The following LAPTM4B variants were observed in gnomAD, a reference collection of about 807,000 sequenced individuals.
LAPTM4B encodes lysosomal protein transmembrane 4 beta, also known as lysosomal-associated transmembrane protein 4B.
LAPTM4B carries 26 observed loss-of-function variants against 28.5 expected under a neutral mutation model. The ratio of observed to expected loss-of-function variants is 0.91; its 90% CI spans 0.67 to 1.27. LAPTM4B has a LOEUF of 1.27. Ranked by LOEUF, LAPTM4B falls within the 50% of genes most tolerant of loss-of-function variation. The probability of loss-of-function intolerance (pLI) is 0.00; values close to 1 mark genes in which losing one functional copy is unlikely to be tolerated. For missense variants in LAPTM4B, 288 were observed against 285.8 expected, an observed-to-expected ratio of 1.01 and a Z score of -0.06; for synonymous variants, 109 against 106.4, an observed-to-expected ratio of 1.02 and a Z score of -0.15.
chr8:97,824,247 C>T (rs547624310), intron 5 of LAPTM4B, among the ~76,000 whole-genome samples: 1 of 152,260 alleles, frequency 6.6e-6, no homozygotes, highest in South Asian at 2.1e-4. Flanking sequence ...CTCTGTTTAA[C>T]CTTTCGAACT....
intron 4 of LAPTM4B, among the ~76,000 whole-genome samples, chr8:97,817,797 C>G (rs574529377): frequency 6.6e-6 from 1 of 151,650 alleles, no homozygotes; most frequent in Non-Finnish European, 1.5e-5. Flanking sequence ...GCCATGTTGA[C>G]CAGGCTGGTC....
chr8:97,809,545 T>C (rs1295252154), intron 2 of LAPTM4B, among the ~76,000 whole-genome samples: 2 of 151,838 alleles, frequency 1.3e-5, no homozygotes, highest in African/African-American at 4.8e-5. Flanking sequence ...ACCAAAAATA[T>C]AAAAATTAGT....
chr8:97,778,042 A>G (rs1257201158), intron 1 of LAPTM4B, among the ~76,000 whole-genome samples: 3 of 152,220 alleles, frequency 2.0e-5, no homozygotes, highest in Admixed American at 2.0e-4. Context: ...ATCCAACCAG[A>G]CAGTGTAGGT....
At chr8:97,823,357 T>G (rs1407725779) in intron 5 of LAPTM4B, among the ~76,000 whole-genome samples, 47 of 24,418 alleles carry the variant, frequency 1.9e-3, no homozygotes, top group African/African-American at 0.013. Context: ...TTTTTTTTTG[T>G]TTTTTTTTTG....
chr8:97,801,135 T>C (rs529703685), intron 1 of LAPTM4B, among the ~76,000 whole-genome samples: 15 of 151,896 alleles, frequency 9.9e-5, no homozygotes, highest in Non-Finnish European at 1.6e-4. Flanking sequence ...TACCCTGTTA[T>C]GATAACAATA....
At chr8:97,811,270 A>G (rs1322070043) in intron 2 of LAPTM4B, among the ~76,000 whole-genome samples, 1 of 152,162 alleles carries the variant, frequency 6.6e-6, no homozygotes, top group East Asian at 1.9e-4. Context: ...TGAAGGCTAC[A>G]CAACTCAGTC....
At chr8:97,784,530 C>T (rs527560871) in intron 1 of LAPTM4B, among the ~76,000 whole-genome samples, 3 of 152,302 alleles carry the variant, frequency 2.0e-5, no homozygotes, top group African/African-American at 7.2e-5. Flanking sequence ...AGCTCTGCCT[C>T]CCGGGTTCAA....
At chr8:97,806,081 G>A (rs1461004110) in intron 2 of LAPTM4B, among the ~76,000 whole-genome samples, 1 of 152,124 alleles carries the variant, frequency 6.6e-6, no homozygotes, top group Non-Finnish European at 1.5e-5. Flanking sequence ...CATTGGCTTC[G>A]GAGAACTTCA....
intron 1 of LAPTM4B, among the ~76,000 whole-genome samples, chr8:97,784,023 G>A (rs769814676): frequency 6.6e-6 from 1 of 152,036 alleles, no homozygotes; most frequent in African/African-American, 2.4e-5. Context: ...GATTTTCTTT[G>A]TATTCTGAGA....
intron 1 of LAPTM4B, among the ~76,000 whole-genome samples, chr8:97,794,206 C>T (rs904006007): frequency 1.3e-5 from 2 of 152,158 alleles, no homozygotes; most frequent in Non-Finnish European, 2.9e-5. Context: ...TCTTGAACTC[C>T]TGAGCTCAGG....
At chr8:97,812,926 A>G (rs62524084) in intron 2 of LAPTM4B, among the ~76,000 whole-genome samples, 68,690 of 152,092 alleles carry the variant, frequency 0.45, 15,988 homozygotes, top group East Asian at 0.57. Flanking sequence ...CCACTCCCCT[A>G]CTTACCTTGA....
At chr8:97,785,410 G>A (rs1267000430) in intron 1 of LAPTM4B, among the ~76,000 whole-genome samples, 1 of 152,058 alleles carries the variant, frequency 6.6e-6, no homozygotes, top group Non-Finnish European at 1.5e-5. Context: ...CAGACAAGGT[G>A]GCCAATAAAT....
At chr8:97,810,777 G>A (rs968707872) in intron 2 of LAPTM4B, among the ~76,000 whole-genome samples, 11 of 152,128 alleles carry the variant, frequency 7.2e-5, no homozygotes, top group African/African-American at 2.7e-4. Context: ...TGGTAGATTT[G>A]TCTTTCTGGT....
At chr8:97,776,207 C>A in intron 1 of LAPTM4B, 99 bp downstream of exon 1, 2 of 1,289,264 alleles carry the variant, frequency 1.6e-6, no homozygotes, top group South Asian at 1.6e-5. Context: ...TGCGCTCATC[C>A]GCCTAAAGTT....
chr8:97,826,695 G>C (rs1817096750), intron 6 of LAPTM4B, among the ~76,000 whole-genome samples: 1 of 152,102 alleles, frequency 6.6e-6, no homozygotes, highest in Non-Finnish European at 1.5e-5. Flanking sequence ...TTTCAGTAGA[G>C]ATAGGGTGTT....
At chr8:97,776,703 G>GTTTTAA (rs1297953527) in intron 1 of LAPTM4B, among the ~76,000 whole-genome samples, 1 of 151,084 alleles carries the variant, frequency 6.6e-6, no homozygotes, top group Non-Finnish European at 1.5e-5. Flanking sequence ...CCCCCCCGAT[G>GTTTTAA]TTTTAAAGCC....
intron 2 of LAPTM4B, among the ~76,000 whole-genome samples, chr8:97,811,886 A>G (rs1221764631): frequency 1.3e-5 from 2 of 151,900 alleles, no homozygotes; most frequent in Non-Finnish European, 2.9e-5. Context: ...GCTCACTGCA[A>G]CCTCTGCCTC....
intron 1 of LAPTM4B, among the ~76,000 whole-genome samples, chr8:97,792,965 C>G (rs952557362): frequency 3.3e-5 from 5 of 152,070 alleles, no homozygotes; most frequent in South Asian, 4.1e-4. Context: ...CTGTTACTTT[C>G]TGGTGTTAAT....
At chr8:97,844,100 G>T (rs1243303153) in intron 6 of LAPTM4B, among the ~76,000 whole-genome samples, 1 of 151,538 alleles carries the variant, frequency 6.6e-6, no homozygotes, top group Non-Finnish European at 1.5e-5. Context: ...GGGGGTGGGG[G>T]GAGCAGGATG....
Sources: gnomAD v4.1 joint callset for allele counts (sites outside exome capture counted in the v4.1 genomes callset) on GRCh38, gnomAD v4.1.1 for gene constraint, MANE v1.5 for transcripts, NCBI Gene and HGNC (gene_info 2026-07-23, HGNC 2026-07-21) for gene names.